The following HOOK2 variants were observed in gnomAD, a reference collection of about 807,000 sequenced individuals.
HOOK2 encodes protein Hook homolog 2.
In HOOK2, 108 loss-of-function variants were observed where a neutral mutation model predicts 111.9. The observed-to-expected ratio is 0.96, with a 90% confidence interval of 0.83 to 1.13. The LOEUF (loss-of-function observed/expected upper bound fraction) is 1.13, where lower values mean the gene tolerates loss of function less well. Among genes scored for constraint, HOOK2 ranks in the 50% most tolerant of loss-of-function variants. The pLI is 0.00. For synonymous variants in HOOK2, 405 were observed against 394.3 expected, an observed-to-expected ratio of 1.03 and a Z score of -0.32; for missense variants, 978 against 951.3, an observed-to-expected ratio of 1.03 and a Z score of -0.37.
Position 12,767,995 on chromosome 19 carries a change from G to A in HOOK2, c.1215+18C>T. The A allele has an allele frequency of 3.1e-6, 5 of 1,612,708 alleles. No individual in the cohort carries two copies. Among genetic ancestry groups the A allele is most frequent in the Non-Finnish European group, 4.2e-6 (5 of 1,178,774 alleles). ...GAATTGGCAGGGTGGGGCTTGGGCA[G>A]TGGAACCTCAGCCTCACCTCCTTCT... is the stretch of plus-strand genomic sequence containing the variant. On this transcript the variant is annotated intron_variant, in intron 12 of 22. Transcript: ENST00000397668.
At chr19:12,769,529 C>T (rs536661614) in intron 11 of HOOK2, among the ~76,000 whole-genome samples, 15 of 152,238 alleles carry the variant, frequency 9.9e-5, no homozygotes, top group Admixed American at 2.6e-4. Context: ...CTCAAGTGAT[C>T]CTCCCGGCTC....
At position 12,763,724 on chromosome 19, in the gene HOOK2, G is replaced by A. The variant is rs1968065557; in HGVS notation, c.1882C>T (p.Leu628Phe). The change falls in exon 21 of 23, where the codon CTC becomes TTC. Residue 628 changes from leucine to phenylalanine, a missense_variant. Physicochemically the swap from Leu to Phe is conservative, Grantham distance 22 (BLOSUM62 0). Coordinates refer to ENST00000397668, the MANE Select transcript of HOOK2 (RefSeq NM_013312.3). The part of the protein sequence containing the change: ...QRPAAGAPPE[L>F]HSLRTQLRER... Reference sequence around the variant, plus strand: ...CGGAGCTGTGTCCTCAGGGAATGGAGTTCTGGAGGTGCCCCCGCAGCTGGC... The same window carrying A: ...CGGAGCTGTGTCCTCAGGGAATGGAATTCTGGAGGTGCCCCCGCAGCTGGC... The A allele has an allele frequency of 6.2e-7, 1 of 1,614,222 alleles. No individual in the cohort carries two copies. Among genetic ancestry groups the A allele is most frequent in the African/African-American group, 1.3e-5 (1 of 75,060 alleles).
At chr19:12,778,905 C>G (rs1264889590), upstream of HOOK2, among the ~76,000 whole-genome samples, 1 of 152,116 alleles carries the variant, frequency 6.6e-6, no homozygotes, top group Non-Finnish European at 1.5e-5. Flanking sequence ...GCTTCTATGT[C>G]GGCGGGGAAG....
At chr19:12,780,304 C>G (rs1184664509), upstream of HOOK2, among the ~76,000 whole-genome samples, 1 of 152,156 alleles carries the variant, frequency 6.6e-6, no homozygotes, top group Non-Finnish European at 1.5e-5. Flanking sequence ...TCTGTGTCTA[C>G]TATATACGTC....
intron 3 of HOOK2, among the ~76,000 whole-genome samples, chr19:12,789,637 C>T (rs1435904032): frequency 6.6e-6 from 1 of 151,854 alleles, no homozygotes; most frequent in Non-Finnish European, 1.5e-5. Flanking sequence ...GCGCCGGGGG[C>T]GCCTCGAGGC....
At chr19:12,773,165 G>T in intron 3 of HOOK2, 121 bp from the exon 4 acceptor site, 1 of 953,682 alleles carries the variant, frequency 1.0e-6, no homozygotes, top group Non-Finnish European at 1.7e-6. Flanking sequence ...CTGTCTGCGT[G>T]CGCCTTCCTC....
At chr19:12,780,274 G>C (rs530598813), upstream of HOOK2, among the ~76,000 whole-genome samples, 187 of 152,260 alleles carry the variant, frequency 1.2e-3, no homozygotes, top group Middle Eastern at 3.4e-3. Flanking sequence ...CACTCCAATT[G>C]CATCTTCATG....
chr19:12,786,375 C>T lies in HOOK2; in HGVS notation n.42-12150G>A, dbSNP rs971524287. 1.3e-5 allele frequency among the ~76,000 whole-genome samples: 2 copies of T among 152,074 alleles called. No homozygotes were observed. Among genetic ancestry groups the T allele is most frequent in the Non-Finnish European group, 2.9e-5 (2 of 67,956 alleles). On this transcript the variant is annotated intron_variant and non_coding_transcript_variant, in intron 3 of 3. Transcript: ENST00000589765. The surrounding 1 kb of genome is among the most constrained non-coding windows in gnomAD (Gnocchi z 4.3). ...TGGGGCCAGCAGGGAGGGGGGTCACCGGGCTATTTATAAGAAGGAGAAGTC... is the reference window on the plus strand; with the variant it reads ...TGGGGCCAGCAGGGAGGGGGGTCACTGGGCTATTTATAAGAAGGAGAAGTC...
rs1968456663 is a variant in HOOK2, at chr19:12,775,052, G to A, written c.46-155C>T. 1.3e-5 allele frequency among the ~76,000 whole-genome samples: 2 copies of A among 152,176 alleles called. 1 individual carries two copies. The highest frequency in any genetic ancestry group is 1.3e-4 in the Admixed American group (2 of 15,284). ...GCGAGGGACTGGCTTCTGCTCACCT[G>A]AGACCGGAGGGGGCGTGGCCTCACC... On this transcript the variant is annotated intron_variant, in intron 1 of 22. Coordinates refer to ENST00000397668, the MANE Select transcript of HOOK2 (RefSeq NM_013312.3).
In HOOK2 at chr19:12,792,264, C is replaced by G. The variant is rs769217729; in HGVS notation, n.42-18039G>C. The G allele has an allele frequency of 1.6e-5, 24 of 1,493,906 alleles. No homozygotes were observed. Among genetic ancestry groups the G allele is most frequent in the South Asian group, 2.6e-5 (2 of 76,994 alleles). 92.5% of individuals were successfully genotyped at this position (1,493,906 alleles called of 1,614,324 possible). On this transcript the variant is annotated intron_variant and non_coding_transcript_variant, in intron 3 of 3. Coordinates refer to the HOOK2 transcript ENST00000589765. Reference sequence around the variant, plus strand: ...CGTGTCCCTGGGCGCTACCGGGGGGCCCCCGGCTGGGCCCGGGGGCGTCTA... The same window carrying G: ...CGTGTCCCTGGGCGCTACCGGGGGGGCCCCGGCTGGGCCCGGGGGCGTCTA...
In HOOK2 at chr19:12,765,679, C is replaced by G. The variant is rs774548046; in HGVS notation, c.1640+11G>C. 9.9e-6 allele frequency: 16 copies of G among 1,614,106 alleles called. 1 individual carries two copies. The South Asian group carries it at 1.6e-4, about 17-fold the overall frequency. On this transcript the variant is annotated intron_variant, in intron 18 of 22. Transcript: ENST00000397668. Reference sequence around the variant, plus strand: ...TGCCCCCACGAGGAGTTCCCTCTTTCTGCGACTTACAAATGTTCCTCCAGC... The same window carrying G: ...TGCCCCCACGAGGAGTTCCCTCTTTGTGCGACTTACAAATGTTCCTCCAGC...
chr19:12,791,816 C>T lies in HOOK2; in HGVS notation n.42-17591G>A, dbSNP rs1340658464. Reference sequence around the variant, plus strand: ...AGCCCTTCTACCACGACGACTCATACACAGCTACGGGATACGGCCGGGCCC... The same window carrying T: ...AGCCCTTCTACCACGACGACTCATATACAGCTACGGGATACGGCCGGGCCC... On this transcript the variant is annotated intron_variant and non_coding_transcript_variant, in intron 3 of 3. Transcript: ENST00000589765. The surrounding 1 kb of genome is among the most constrained non-coding windows in gnomAD (Gnocchi z 7.0). 3 of 1,613,616 alleles carry T rather than the reference C, an allele frequency of 1.9e-6. No individual in the cohort carries two copies. The highest frequency in any genetic ancestry group is 1.1e-5 in the South Asian group (1 of 91,058).
chr19:12,787,124 T>G (rs1374927291), intron 3 of HOOK2: 1 of 153,216 alleles, frequency 6.5e-6, no homozygotes, highest in Non-Finnish European at 1.5e-5. Flanking sequence ...GCTATGATTG[T>G]GTAGCTGAAC....
intron 7 of HOOK2, chr19:12,771,894 A>AG (rs1026084780): frequency 1.8e-5 from 7 of 392,368 alleles, no homozygotes; most frequent in African/African-American, 8.2e-5. Flanking sequence ...AAAAAAAAAA[A>AG]AAAAAGAAAA....
intron 11 of HOOK2, among the ~76,000 whole-genome samples, chr19:12,769,418 C>A (rs1968248753): frequency 6.6e-6 from 1 of 152,040 alleles, no homozygotes; most frequent in Admixed American, 6.6e-5. Context: ...CGAGCCACCG[C>A]ACCCGGTCTT....
intron 3 of HOOK2, among the ~76,000 whole-genome samples, chr19:12,785,307 C>T (rs1255095134): frequency 6.6e-6 from 1 of 151,684 alleles, no homozygotes; most frequent in African/African-American, 2.4e-5. Flanking sequence ...CACACACACA[C>T]ACACACACCA....
rs773796489 is a variant in HOOK2, at chr19:12,765,019, T to A, written c.1703A>T (p.Glu568Val). ...QRKREYIEELEPPTDSSTARR... is the reference protein window; with the variant it reads ...QRKREYIEELVPPTDSSTARR... ...CTTACTGCTGCTGTCAGTGGGTGGC[T>A]CCAGCTCCTCAATGTACTCCCGCTT... Residue 568 changes from glutamate (E) to valine (V), a missense_variant, in exon 19 of 23, where the codon GAG becomes GTG. Glu to Val is a moderately radical substitution (Grantham distance 121, BLOSUM62 -2). Transcript: ENST00000397668. 6 of 1,614,158 alleles carry A rather than the reference T, an allele frequency of 3.7e-6. No homozygotes were observed. The highest frequency in any genetic ancestry group is 5.1e-6 in the Non-Finnish European group (6 of 1,179,994).
chr19:12,769,216 C>T lies in HOOK2; in HGVS notation c.1104+665G>A, dbSNP rs192291341. Among the ~76,000 whole-genome samples, 798 of 152,216 alleles carry T rather than the reference C, an allele frequency of 5.2e-3. 2 individuals are homozygous for T. The highest frequency in any genetic ancestry group is 0.017 in the African/African-American group (697 of 41,538). ...TCCTGACCTCGGGATCCACCCGCCTCGGCCTCCCAAAGTGCTGGGATTACA... is the reference window on the plus strand; with the variant it reads ...TCCTGACCTCGGGATCCACCCGCCTTGGCCTCCCAAAGTGCTGGGATTACA... On this transcript the variant is annotated intron_variant, in intron 11 of 22. Coordinates refer to ENST00000397668, the MANE Select transcript of HOOK2 (RefSeq NM_013312.3).
At position 12,791,326 on chromosome 19, in the gene HOOK2, C is replaced by G. The variant is rs920948466; in HGVS notation, n.42-17101G>C. On this transcript the variant is annotated intron_variant and non_coding_transcript_variant, in intron 3 of 3. Transcript: ENST00000589765. The surrounding 1 kb of genome is among the most constrained non-coding windows in gnomAD (Gnocchi z 7.0). ...CCACCCGGCCCGTGGCCGCTGTTTACAAGGACACGCGCTTCCTGACAGTGA... is the reference window on the plus strand; with the variant it reads ...CCACCCGGCCCGTGGCCGCTGTTTAGAAGGACACGCGCTTCCTGACAGTGA... Among the ~76,000 whole-genome samples the G allele has an allele frequency of 2.0e-5, 3 of 152,230 alleles. No homozygotes were observed. The highest frequency in any genetic ancestry group is 7.2e-5 in the African/African-American group (3 of 41,474).
Sources: gnomAD v4.1 joint callset for allele counts (sites outside exome capture counted in the v4.1 genomes callset) on GRCh38, gnomAD v4.1.1 for gene constraint, Gnocchi (gnomAD v3.1) non-coding constraint, MANE v1.5 for transcripts, NCBI Gene and HGNC (gene_info 2026-07-23, HGNC 2026-07-21) for gene names.